Variants in ANKRD11 observed in about 807,000 individuals in gnomAD.
The protein encoded by ANKRD11 is ankyrin repeat domain 11.
ANKRD11 carries 17 observed loss-of-function variants against 195.7 expected under a neutral mutation model. The ratio of observed to expected loss-of-function variants is 0.09; its 90% CI spans 0.06 to 0.13. ANKRD11 has a LOEUF of 0.13. Among genes scored for constraint, ANKRD11 ranks in the 10% least tolerant of loss-of-function variants. The pLI, the probability that ANKRD11 is intolerant of heterozygous loss-of-function variation, is 1.00. For synonymous variants in ANKRD11, 1,953 were observed against 1,528.1 expected, an observed-to-expected ratio of 1.28 and a Z score of -6.49; for missense variants, 3,735 against 3,566.1, an observed-to-expected ratio of 1.05 and a Z score of -1.21.
chr16:89,292,219 C>G (rs2035105647), intron 4 of ANKRD11, among the ~76,000 whole-genome samples: 1 of 152,222 alleles, frequency 6.6e-6, no homozygotes, highest in African/African-American at 2.4e-5. Context: ...TGAGGCACCT[C>G]CCTTCCCTTC....
At chr16:89,420,238 A>G (rs2042456545) in intron 1 of ANKRD11, 1 of 152,172 alleles carries the variant, frequency 6.6e-6, no homozygotes, top group Non-Finnish European at 1.5e-5. Context: ...GCCAGCGAGG[A>G]ACCCCAGCAT....
At chr16:89,377,321 T>C (rs1222963584) in intron 2 of ANKRD11, among the ~76,000 whole-genome samples, 1 of 152,038 alleles carries the variant, frequency 6.6e-6, no homozygotes, top group Non-Finnish European at 1.5e-5. Flanking sequence ...CCATGAAAGA[T>C]GCCATCATTG....
intron 3 of ANKRD11, among the ~76,000 whole-genome samples, chr16:89,310,654 G>A (rs1459596047): frequency 2.0e-5 from 3 of 152,182 alleles, no homozygotes; most frequent in Non-Finnish European, 4.4e-5. Flanking sequence ...TACAGGTTTT[G>A]CAGCACATCT....
At chr16:89,393,344 T>C (rs578039809) in intron 2 of ANKRD11, among the ~76,000 whole-genome samples, 109 of 150,772 alleles carry the variant, frequency 7.2e-4, no homozygotes, top group African/African-American at 2.6e-3. Flanking sequence ...GGAGGCTTGC[T>C]CTGTAGTGCG....
intron 7 of ANKRD11, chr16:89,287,766 C>T (rs918861446): frequency 1.1e-5 from 2 of 180,014 alleles, no homozygotes; most frequent in African/African-American, 4.7e-5. Flanking sequence ...CGGAACAAGC[C>T]GTTTCTCAAG....
chr16:89,475,547 A>G (rs530900209), intron 1 of ANKRD11, among the ~76,000 whole-genome samples: 4 of 152,226 alleles, frequency 2.6e-5, no homozygotes, highest in Non-Finnish European at 4.4e-5. Flanking sequence ...CGGTAACATT[A>G]ATGCTAATTA....
At chr16:89,468,125 A>G (rs1389698881) in intron 1 of ANKRD11, among the ~76,000 whole-genome samples, 1 of 152,184 alleles carries the variant, frequency 6.6e-6, no homozygotes, top group Non-Finnish European at 1.5e-5. Flanking sequence ...TCACTTTATG[A>G]CACTGTAATC....
chr16:89,298,363 G>C (rs2035587340), intron 4 of ANKRD11: 1 of 152,344 alleles, frequency 6.6e-6, no homozygotes, highest in Admixed American at 6.5e-5. Context: ...GCACAGGCCT[G>C]CCTGGCCGAA....
chr16:89,424,617 A>G (rs2042644203), intron 1 of ANKRD11, among the ~76,000 whole-genome samples: 1 of 152,166 alleles, frequency 6.6e-6, no homozygotes, highest in South Asian at 2.1e-4. Flanking sequence ...CATTACGCTG[A>G]GCAAAAAGGC....
chr16:89,435,288 G>A (rs554892917), intron 1 of ANKRD11, among the ~76,000 whole-genome samples: 4 of 152,234 alleles, frequency 2.6e-5, no homozygotes, highest in South Asian at 2.1e-4. Flanking sequence ...CCCAATCAGC[G>A]CTCTGTAAAT....
chr16:89,330,011 A>AAAATG (rs1415408851), intron 2 of ANKRD11, among the ~76,000 whole-genome samples: 1 of 151,862 alleles, frequency 6.6e-6, no homozygotes, highest in Non-Finnish European at 1.5e-5. Context: ...AAAATAAAAT[A>AAAATG]AAATAAAATA....
At chr16:89,334,144 T>TA (rs869142504) in intron 2 of ANKRD11, among the ~76,000 whole-genome samples, 4,061 of 40,778 alleles carry the variant, frequency 0.1, 234 homozygotes, top group East Asian at 0.14. Flanking sequence ...CCCTGTGTTT[T>TA]AAAAAAAAAA....
At chr16:89,401,507 T>C (rs774450466) in intron 2 of ANKRD11, among the ~76,000 whole-genome samples, 1 of 152,234 alleles carries the variant, frequency 6.6e-6, no homozygotes, top group Non-Finnish European at 1.5e-5. Flanking sequence ...AAGTACATGA[T>C]ATATTCAACA....
intron 2 of ANKRD11, among the ~76,000 whole-genome samples, chr16:89,349,774 T>TATGA (rs1567684270): frequency 6.6e-6 from 1 of 151,832 alleles, no homozygotes; most frequent in Non-Finnish European, 1.5e-5. Flanking sequence ...AAGACAAAAC[T>TATGA]ATGAAGTTGG....
intron 2 of ANKRD11, among the ~76,000 whole-genome samples, chr16:89,330,781 T>C (rs563087207): frequency 3.3e-5 from 5 of 150,786 alleles, no homozygotes; most frequent in South Asian, 2.1e-4. Context: ...GCCCACACTC[T>C]GCAGAGAACG....
At chr16:89,421,654 G>T (rs1271692582) in intron 1 of ANKRD11, among the ~76,000 whole-genome samples, 9 of 113,964 alleles carry the variant, frequency 7.9e-5, no homozygotes, top group African/African-American at 3.5e-4. Context: ...GGTGAGACAC[G>T]AAGGGTCGGT....
chr16:89,305,495 C>G, intron 3 of ANKRD11, 151 bp from the exon 4 acceptor site: 1 of 1,133,566 alleles, frequency 8.8e-7, no homozygotes, highest in Non-Finnish European at 1.3e-6. Context: ...TGAGGCTGGT[C>G]ACCGACCGCA....
chr16:89,325,776 A>C (rs557499988), intron 2 of ANKRD11, among the ~76,000 whole-genome samples: 3 of 152,182 alleles, frequency 2.0e-5, no homozygotes, highest in Non-Finnish European at 4.4e-5. Flanking sequence ...TAAAGGCCAC[A>C]CTATGTCCTT....
At chr16:89,435,029 G>A (rs1567801328) in intron 1 of ANKRD11, among the ~76,000 whole-genome samples, 2 of 152,176 alleles carry the variant, frequency 1.3e-5, no homozygotes, top group Non-Finnish European at 2.9e-5. Flanking sequence ...CATGAGAGGT[G>A]AAGCCAGCTG....
Sources: gnomAD v4.1 joint callset for allele counts (sites outside exome capture counted in the v4.1 genomes callset) on GRCh38, gnomAD v4.1.1 for gene constraint, MANE v1.5 for transcripts, NCBI Gene and HGNC (gene_info 2026-07-23, HGNC 2026-07-21) for gene names.